The following FAM210A variants were observed in gnomAD, a reference collection of about 807,000 sequenced individuals.
FAM210A encodes the protein mitochondrial inner membrane scaffold 1.
Under a neutral mutation model 25.3 loss-of-function variants are expected in FAM210A, and 13 were observed. The ratio of observed to expected loss-of-function variants is 0.51; its 90% CI spans 0.33 to 0.82. The LOEUF (loss-of-function observed/expected upper bound fraction) is 0.82, where lower values mean the gene tolerates loss of function less well. Ranked by LOEUF, FAM210A falls within the 40% of genes least tolerant of loss-of-function variation. FAM210A has a pLI of 0.02. For missense variants in FAM210A, 319 were observed against 323.2 expected, an observed-to-expected ratio of 0.99 and a Z score of 0.10; for synonymous variants, 125 against 118.7, an observed-to-expected ratio of 1.05 and a Z score of -0.35.
intron 2 of FAM210A, among the ~76,000 whole-genome samples, chr18:13,674,527 C>T (rs1446607879): frequency 6.5e-5 from 1 of 15,444 alleles, no homozygotes; most frequent in African/African-American, 2.1e-4. Flanking sequence ...TATTAACATT[C>T]CTGAGCCCTG....
chr18:13,722,709 G>C (rs2043906710), intron 1 of FAM210A, among the ~76,000 whole-genome samples: 1 of 152,182 alleles, frequency 6.6e-6, no homozygotes, highest in African/African-American at 2.4e-5. Flanking sequence ...ATAAGACTCT[G>C]GATTTGGTTT....
intron 1 of FAM210A, among the ~76,000 whole-genome samples, chr18:13,697,165 A>T (rs1037995500): frequency 6.6e-6 from 1 of 152,194 alleles, no homozygotes; most frequent in Non-Finnish European, 1.5e-5. Context: ...AAATTGCCTA[A>T]CTATGCATTT....
intron 1 of FAM210A, among the ~76,000 whole-genome samples, chr18:13,722,754 G>A (rs557297621): frequency 1.2e-3 from 180 of 152,238 alleles, no homozygotes; most frequent in Non-Finnish European, 2.0e-3. Flanking sequence ...CAAGAGATAC[G>A]GGTTTCTTTA....
Position 13,666,535 on chromosome 18 carries a change from G to GT in FAM210A, c.763dup (p.Thr255AsnfsTer2). ...TTCTTTGGTTTCTTGTAACTTTTCA[G>GT]TGAGTCTATCTTTTGTTTCTTCCAT... On this transcript the variant is annotated frameshift_variant, in exon 4 of 4. Coordinates refer to ENST00000651643, the MANE Select transcript of FAM210A (RefSeq NM_152352.4). LOFTEE classifies it high-confidence loss of function. 6.2e-7 allele frequency: 1 copy of GT among 1,614,028 alleles called. No homozygotes were observed. Among genetic ancestry groups the GT allele is most frequent in the Non-Finnish European group, 8.5e-7 (1 of 1,180,008 alleles).
chr18:13,687,272 G>C (rs944950672), intron 1 of FAM210A, among the ~76,000 whole-genome samples: 1 of 152,128 alleles, frequency 6.6e-6, no homozygotes, highest in African/African-American at 2.4e-5. Context: ...GTATGGCGGG[G>C]GCAGGAGAGG....
At chr18:13,695,006 T>C (rs1287783692) in intron 1 of FAM210A, among the ~76,000 whole-genome samples, 1 of 152,050 alleles carries the variant, frequency 6.6e-6, no homozygotes, top group African/African-American at 2.4e-5. Context: ...ACAAAGAACT[T>C]AAACAAACTT....
chr18:13,694,472 C>T (rs1182451652), intron 1 of FAM210A, among the ~76,000 whole-genome samples: 2 of 152,322 alleles, frequency 1.3e-5, no homozygotes, highest in African/African-American at 4.8e-5. Flanking sequence ...AACTATACTA[C>T]AAGGCTACAG....
chr18:13,666,938 C>G (rs551743649), intron 3 of FAM210A, among the ~76,000 whole-genome samples: 1 of 152,132 alleles, frequency 6.6e-6, no homozygotes, highest in Non-Finnish European at 1.5e-5. Context: ...CAATCCTGAC[C>G]CAGATAACAG....
At chr18:13,718,240 CT>C (rs756437707) in intron 1 of FAM210A, among the ~76,000 whole-genome samples, 5 of 152,190 alleles carry the variant, frequency 3.3e-5, no homozygotes, top group Non-Finnish European at 7.3e-5. Flanking sequence ...CAAGCCTACT[CT>C]CCTTAAGAAA....
chr18:13,672,212 A>C (rs1362070160), intron 2 of FAM210A, among the ~76,000 whole-genome samples: 1 of 152,202 alleles, frequency 6.6e-6, no homozygotes, highest in Non-Finnish European at 1.5e-5. Context: ...TATTTGCTTC[A>C]TGTGGGCATC....
chr18:13,714,544 C>T (rs2043845636), intron 1 of FAM210A, among the ~76,000 whole-genome samples: 1 of 152,142 alleles, frequency 6.6e-6, no homozygotes, highest in South Asian at 2.1e-4. Flanking sequence ...GGTTAATATA[C>T]AGCAAGATGC....
rs996535797 is a variant in FAM210A, at chr18:13,715,815, C to T, written c.-29+10514G>A. 6.6e-5 allele frequency among the ~76,000 whole-genome samples: 10 copies of T among 152,294 alleles called. No homozygotes were observed. The South Asian group carries it at 1.0e-3, about 16-fold the overall frequency. On this transcript the variant is annotated intron_variant, in intron 1 of 3. Transcript: ENST00000651643. ...ATGAATGAATTCCTATTTCCCATTT[C>T]GGCTAAATTTCAGATCCTATAATCC...
At chr18:13,671,660 G>A (rs2043443311) in intron 3 of FAM210A, among the ~76,000 whole-genome samples, 1 of 147,854 alleles carries the variant, frequency 6.8e-6, no homozygotes, top group South Asian at 2.1e-4. Context: ...CTGCACTCCA[G>A]CCTGGCAAAC....
At chr18:13,671,371 CAA>C (rs1171567728) in intron 3 of FAM210A, among the ~76,000 whole-genome samples, 1 of 152,036 alleles carries the variant, frequency 6.6e-6, no homozygotes, top group East Asian at 1.9e-4. Flanking sequence ...TAAGAAAAAA[CAA>C]ATATAATTAT....
chr18:13,720,572 T>C (rs2043890700), intron 1 of FAM210A, among the ~76,000 whole-genome samples: 1 of 152,152 alleles, frequency 6.6e-6, no homozygotes, highest in African/African-American at 2.4e-5. Flanking sequence ...CCCTCTGACA[T>C]GCAAATGTCA....
intron 2 of FAM210A, 27 bp from the exon 3 acceptor site, chr18:13,672,000 T>C (rs1448993269): frequency 6.9e-7 from 1 of 1,457,212 alleles, no homozygotes; most frequent in Non-Finnish European, 9.6e-7. Context: ...GTAATTTTCA[T>C]ATGTACAAAC....
chr18:13,681,554 A>AT (rs753826973), intron 2 of FAM210A, 51 bp downstream of exon 2: 1 of 1,393,994 alleles, frequency 7.2e-7, no homozygotes, highest in Non-Finnish European at 9.8e-7. Context: ...AATTAAAAAG[A>AT]TTAATATTCT....
intron 1 of FAM210A, among the ~76,000 whole-genome samples, chr18:13,722,754 G>C (rs557297621): frequency 1.3e-5 from 2 of 152,122 alleles, no homozygotes; most frequent in Non-Finnish European, 2.9e-5. Context: ...CAAGAGATAC[G>C]GGTTTCTTTA....
intron 1 of FAM210A, among the ~76,000 whole-genome samples, chr18:13,706,962 TACTCCAA>T (rs1015970177): frequency 1.4e-4 from 22 of 152,206 alleles, no homozygotes; most frequent in African/African-American, 5.3e-4. Context: ...GTAAGAAGCA[TACTCCAA>T]ACTCTTGGTA....
Sources: allele counts gnomAD v4.1 joint callset (sites outside exome capture counted in the v4.1 genomes callset), GRCh38; gene constraint gnomAD v4.1.1; transcripts MANE v1.5; gene names NCBI Gene and HGNC (gene_info 2026-07-23, HGNC 2026-07-21).